CD302: variants seen among roughly 807,000 people sequenced by gnomAD.
CD302 encodes the protein CD302 molecule.
A neutral mutation model predicts 26.5 loss-of-function variants in CD302; 23 were observed. The observed-to-expected ratio is 0.87, with a 90% CI of 0.62 to 1.23. The LOEUF is 1.23. Ranked by LOEUF, CD302 falls within the 50% of genes most tolerant of loss-of-function variation. CD302 has a pLI of 0.00. For missense variants in CD302, 290 were observed against 275.5 expected (o/e 1.05, Z -0.37); for synonymous variants, 90 against 99.4 (o/e 0.91, Z 0.56).
intron 5 of CD302, among the ~76,000 whole-genome samples, chr2:159,772,533 A>T (rs1158830670): frequency 6.6e-6 from 1 of 152,122 alleles, no homozygotes; most frequent in Non-Finnish European, 1.5e-5. Context: ...GCATTCATTC[A>T]TTCTTTGTGT....
Position 159,772,050 on chromosome 2 carries a change from T to C in CD302, c.500A>G (p.Asn167Ser). 15 of 1,613,796 alleles carry C rather than the reference T, an allele frequency of 9.3e-6. No homozygotes were observed. The highest frequency in any genetic ancestry group is 1.3e-5 in the Non-Finnish European group (15 of 1,179,830). ...IPYKRKYLSD[N>S]HILISALVIA... ...CACCAATGCTGATATTAAAATGTGG[T>C]TATCTGAAAAGGAAAAGACAAAAGA... The change falls in exon 6 of 6, where the codon AAC becomes AGC. Residue 167 changes from asparagine (N) to serine (S), a missense_variant. Asn to Ser is a conservative substitution (Grantham distance 46, BLOSUM62 1). Transcript: ENST00000259053.
chr2:159,773,266 G>A (rs548158696), intron 5 of CD302, among the ~76,000 whole-genome samples: 1 of 152,224 alleles, frequency 6.6e-6, no homozygotes, highest in South Asian at 2.1e-4. Context: ...TGCCCCCCTC[G>A]GCCTCCCAGA....
intron 1 of CD302, among the ~76,000 whole-genome samples, chr2:159,784,611 C>G (rs1431136301): frequency 6.6e-6 from 1 of 152,048 alleles, no homozygotes; most frequent in African/African-American, 2.4e-5. Context: ...CCGCCTTGGT[C>G]TCTTAAACTG....
chr2:159,775,072 T>A (rs1439814470), intron 5 of CD302, among the ~76,000 whole-genome samples: 1 of 152,198 alleles, frequency 6.6e-6, no homozygotes, highest in African/African-American at 2.4e-5. Flanking sequence ...AACACCTCCC[T>A]TCTTGCACTG....
At chr2:159,787,804 C>T (rs886436049) in intron 1 of CD302, among the ~76,000 whole-genome samples, 2 of 152,100 alleles carry the variant, frequency 1.3e-5, no homozygotes, top group South Asian at 2.1e-4. Flanking sequence ...TGGAAACTCC[C>T]TCAGTTCTTG....
rs913189033 is a variant in CD302 at position 159,777,919 on chromosome 2, A to C, written c.496+19T>G. ...ATTTTTAATTGTGGGAAAAATTTAA[A>C]GACCAAATCATTACTTACCTGATAA... On this transcript the variant is annotated intron_variant, in intron 5 of 5. Transcript: ENST00000259053. 1 of 1,020,050 alleles carries C rather than the reference A, an allele frequency of 9.8e-7. No homozygotes were observed. The highest frequency in any genetic ancestry group is 1.4e-6 in the Non-Finnish European group (1 of 705,624). The allele number at this position is 1,020,050 out of a possible 1,614,324, so 63.2% of individuals were successfully genotyped here.
chr2:159,786,483 G>A (rs1371309175), intron 1 of CD302, among the ~76,000 whole-genome samples: 5 of 151,786 alleles, frequency 3.3e-5, no homozygotes, highest in East Asian at 3.9e-4. Flanking sequence ...ACAGGCTCCC[G>A]CCACCACACC....
chr2:159,787,955 A>C (rs926968303), intron 1 of CD302, among the ~76,000 whole-genome samples: 4 of 152,090 alleles, frequency 2.6e-5, no homozygotes, highest in Admixed American at 2.6e-4. Flanking sequence ...AAAATACAAA[A>C]AATTAGCTGG....
At chr2:159,783,559 TCA>T (rs955288126) in intron 1 of CD302, 90 bp from the exon 2 acceptor site, 10 of 945,600 alleles carry the variant, frequency 1.1e-5, no homozygotes, top group Non-Finnish European at 1.2e-5. Context: ...TACTAAATTT[TCA>T]CACACACACA....
chr2:159,793,309 C>T (rs1018866128), intron 1 of CD302, among the ~76,000 whole-genome samples: 3 of 152,130 alleles, frequency 2.0e-5, no homozygotes, highest in Non-Finnish European at 2.9e-5. Context: ...TATAGATCCT[C>T]TGCCTAAAAT....
In CD302 at chr2:159,771,720, TA is replaced by T; in HGVS notation, c.*130del. 1 of 1,091,512 alleles carries T rather than the reference TA, an allele frequency of 9.2e-7. No individual in the cohort carries two copies. The highest frequency in any genetic ancestry group is 1.6e-5 in the African/African-American group (1 of 62,972). The allele number at this position is 1,091,512 out of a possible 1,614,324, so 67.6% of individuals were successfully genotyped here. A position where few individuals can be genotyped will look rare whatever the true frequency, so the allele number is the denominator to read the frequency against. On this transcript the variant is annotated 3_prime_UTR_variant, in exon 6 of 6. Coordinates refer to ENST00000259053, the MANE Select transcript of CD302 (RefSeq NM_014880.5). ...AGACTTTTCACAGCAGATGAGTACA[TA>T]AAAATGTTACTGGAATAAGGAATAC...
At position 159,770,086 on chromosome 2, in the gene CD302, G is replaced by GTTT. The variant is rs1464649027; in HGVS notation, c.*1764_*1765insAAA. ...TACCCAAATTCTACCACTCCTTTAA[G>GTTT]AACTCCTTTAGAACTCTTTTAGTTC... On this transcript the variant is annotated 3_prime_UTR_variant, in exon 6 of 6. Transcript: ENST00000259053. 6.6e-6 allele frequency: 1 copy of GTTT among 151,894 alleles called. No homozygotes were observed. The highest frequency in any genetic ancestry group is 1.5e-5 in the Non-Finnish European group (1 of 68,014). 9.4% of individuals were successfully genotyped at this position (151,894 alleles called of 1,614,324 possible).
At chr2:159,776,718 TTTTTGTG>T (rs1222932207) in intron 5 of CD302, among the ~76,000 whole-genome samples, 2 of 70,104 alleles carry the variant, frequency 2.9e-5, no homozygotes, top group African/African-American at 9.3e-5. Context: ...TTTTTTTTTT[TTTTTGTG>T]AGATGGAGTC....
intron 2 of CD302, among the ~76,000 whole-genome samples, chr2:159,782,391 C>T (rs372671968): frequency 7.6e-5 from 9 of 118,390 alleles, no homozygotes; most frequent in Admixed American, 3.3e-4. Flanking sequence ...CCAGCCTAGG[C>T]GACAGAGCGA....
intron 4 of CD302, among the ~76,000 whole-genome samples, chr2:159,779,257 C>A (rs1375552966): frequency 9.9e-4 from 92 of 93,222 alleles, no homozygotes; most frequent in African/African-American, 3.4e-3. Flanking sequence ...AAAAAAAAAA[C>A]CTTCTGACGG....
At chr2:159,778,041 C>G (rs1560043080) in intron 4 of CD302, 77 bp from the exon 5 acceptor site, 1 of 567,852 alleles carries the variant, frequency 1.8e-6, no homozygotes, top group African/African-American at 2.2e-5. Context: ...TGTTCACAAT[C>G]ATTAAAAATA....
chr2:159,772,447 C>T (rs978241932), intron 5 of CD302, among the ~76,000 whole-genome samples: 2 of 152,034 alleles, frequency 1.3e-5, no homozygotes, highest in African/African-American at 4.8e-5. Context: ...GTTCACCTGG[C>T]TTTGGGGATT....
At chr2:159,778,329 T>C (rs1708400711) in intron 4 of CD302, among the ~76,000 whole-genome samples, 1 of 152,224 alleles carries the variant, frequency 6.6e-6, no homozygotes, top group Non-Finnish European at 1.5e-5. Context: ...TTAGTATGGA[T>C]GTACTCACTA....
At chr2:159,781,851 A>G (rs1708521807) in intron 2 of CD302, among the ~76,000 whole-genome samples, 1 of 150,344 alleles carries the variant, frequency 6.7e-6, no homozygotes, top group African/African-American at 2.5e-5. Context: ...AATAAGATTA[A>G]TAACTTTGGT....
Sources: gnomAD v4.1 joint callset for allele counts (sites outside exome capture counted in the v4.1 genomes callset) on GRCh38, gnomAD v4.1.1 for gene constraint, MANE v1.5 for transcripts, NCBI Gene and HGNC (gene_info 2026-07-23, HGNC 2026-07-21) for gene names.